The following CRPPA variants were observed in gnomAD, a reference collection of about 807,000 sequenced individuals.
The protein encoded by CRPPA is D-ribitol-5-phosphate cytidylyltransferase.
Under a neutral mutation model 52.0 loss-of-function variants are expected in CRPPA, and 43 were observed. That is an observed-to-expected ratio of 0.83 (90% CI 0.65 to 1.07). CRPPA has a LOEUF of 1.07. Ranked by LOEUF, CRPPA falls within the 50% of genes least tolerant of loss-of-function variation. The probability of loss-of-function intolerance (pLI) is 0.00; values close to 1 mark genes in which losing one functional copy is unlikely to be tolerated. For synonymous variants in CRPPA, 250 were observed against 203.5 expected (o/e 1.23, Z -1.94); for missense variants, 629 against 551.7 (o/e 1.14, Z -1.40).
chr7:16,260,000 T>C (rs1783753018), intron 6 of CRPPA, among the ~76,000 whole-genome samples: 1 of 152,040 alleles, frequency 6.6e-6, no homozygotes, highest in Admixed American at 6.6e-5. Flanking sequence ...AAAATTCATA[T>C]TGAGCATAAA....
At chr7:16,395,319 A>G (rs114287465) in intron 2 of CRPPA, among the ~76,000 whole-genome samples, 2,307 of 152,302 alleles carry the variant, frequency 0.015, 64 homozygotes, top group African/African-American at 0.052. Flanking sequence ...GTATAATACT[A>G]TGATGCATCC....
At chr7:16,379,799 T>C (rs1255958295) in intron 2 of CRPPA, among the ~76,000 whole-genome samples, 1 of 152,228 alleles carries the variant, frequency 6.6e-6, no homozygotes, top group East Asian at 1.9e-4. Context: ...TTGTCTGTTA[T>C]TGATGTATAA....
chr7:16,415,650 C>T (rs1788175503), intron 1 of CRPPA, among the ~76,000 whole-genome samples: 1 of 152,148 alleles, frequency 6.6e-6, no homozygotes. Context: ...TGAAGTTCTA[C>T]CTGAAGGCTT....
chr7:16,363,972 A>G (rs1470084677), intron 3 of CRPPA, among the ~76,000 whole-genome samples: 1 of 152,208 alleles, frequency 6.6e-6, no homozygotes. Flanking sequence ...AACTAATCTA[A>G]GAAATTACTA....
At chr7:16,346,762 A>T (rs1358498533) in intron 3 of CRPPA, among the ~76,000 whole-genome samples, 1 of 152,096 alleles carries the variant, frequency 6.6e-6, no homozygotes, top group Non-Finnish European at 1.5e-5. Context: ...CAGTGTGCAC[A>T]TTCCATGCCT....
intron 8 of CRPPA, among the ~76,000 whole-genome samples, chr7:16,222,387 A>G (rs939385391): frequency 6.6e-6 from 1 of 150,508 alleles, no homozygotes; most frequent in African/African-American, 2.4e-5. Context: ...TGGCACATGT[A>G]TACATATGTA....
At chr7:16,204,779 T>C (rs1583427186) in intron 9 of CRPPA, among the ~76,000 whole-genome samples, 3 of 152,166 alleles carry the variant, frequency 2.0e-5, no homozygotes, top group African/African-American at 7.2e-5. Context: ...TAGAGATAGT[T>C]CCCTGTCTTC....
rs1488292401 is a variant in CRPPA at position 16,132,948 on chromosome 7, G to C, written c.1252-41149C>G. ...GAGGTGGGAGGACTGCCTGAGCTCA[G>C]GAGTTTGAGACTAGTCTGGGAAACA... On this transcript the variant is annotated intron_variant, in intron 9 of 9. Coordinates refer to ENST00000407010, the MANE Select transcript of CRPPA (RefSeq NM_001101426.4). 1.6e-5 allele frequency among the ~76,000 whole-genome samples: 2 copies of C among 123,130 alleles called. 1 individual carries two copies. The highest frequency in any genetic ancestry group is 7.0e-4 in the East Asian group (2 of 2,872). 80.8% of individuals were successfully genotyped at this position (123,130 alleles called of 152,430 possible). A position where few individuals can be genotyped will look rare whatever the true frequency, so the allele number is the denominator to read the frequency against.
At chr7:16,324,340 ACCT>A (rs1785330031) in intron 3 of CRPPA, among the ~76,000 whole-genome samples, 1 of 152,180 alleles carries the variant, frequency 6.6e-6, no homozygotes, top group Admixed American at 6.5e-5. Context: ...TAGAAAACAA[ACCT>A]CCTCAGCATC....
At chr7:16,267,020 C>G (rs1415627505) in intron 6 of CRPPA, among the ~76,000 whole-genome samples, 2 of 152,128 alleles carry the variant, frequency 1.3e-5, no homozygotes, top group Non-Finnish European at 2.9e-5. Flanking sequence ...AATATGATCC[C>G]TTTATATTTA....
intron 2 of CRPPA, among the ~76,000 whole-genome samples, chr7:16,382,326 C>G (rs1386785233): frequency 5.9e-5 from 9 of 152,238 alleles, no homozygotes; most frequent in Admixed American, 6.5e-5. Flanking sequence ...GGCCCCCACT[C>G]TCTTCTGGCT....
intron 9 of CRPPA, among the ~76,000 whole-genome samples, chr7:16,179,120 A>G (rs1289640651): frequency 1.3e-5 from 2 of 152,120 alleles, no homozygotes; most frequent in Non-Finnish European, 2.9e-5. Context: ...ATATTTTTAC[A>G]TAATTCAAAT....
chr7:16,327,192 C>T (rs1036718679), intron 3 of CRPPA, among the ~76,000 whole-genome samples: 2 of 152,160 alleles, frequency 1.3e-5, no homozygotes, highest in Non-Finnish European at 2.9e-5. Context: ...TCAACTCACT[C>T]CAGGTAAAAC....
At chr7:16,352,176 C>T (rs542282540) in intron 3 of CRPPA, among the ~76,000 whole-genome samples, 4 of 152,044 alleles carry the variant, frequency 2.6e-5, no homozygotes, top group African/African-American at 9.6e-5. Flanking sequence ...GAAAACCAAA[C>T]ACCACATGTT....
intron 2 of CRPPA, among the ~76,000 whole-genome samples, chr7:16,388,166 G>C (rs769299360): frequency 2.0e-5 from 3 of 152,062 alleles, no homozygotes; most frequent in Non-Finnish European, 1.5e-5. Flanking sequence ...GATAGAGACA[G>C]GGTTTCACTA....
intron 3 of CRPPA, among the ~76,000 whole-genome samples, chr7:16,322,016 G>A (rs1035834269): frequency 3.3e-5 from 5 of 152,120 alleles, no homozygotes; most frequent in African/African-American, 1.2e-4. Context: ...TCTGGAGCCA[G>A]AAAGATCCTA....
At chr7:16,096,106 C>G (rs141143568) in intron 9 of CRPPA, among the ~76,000 whole-genome samples, 167 of 152,258 alleles carry the variant, frequency 1.1e-3, no homozygotes, top group African/African-American at 3.8e-3. Flanking sequence ...CCTAAGAAAG[C>G]TTCAACAACG....
intron 9 of CRPPA, among the ~76,000 whole-genome samples, chr7:16,168,725 T>C (rs984926999): frequency 6.6e-6 from 1 of 152,164 alleles, no homozygotes; most frequent in Non-Finnish European, 1.5e-5. Flanking sequence ...TCAATGGCTG[T>C]ACAAATAAAT....
Position 16,325,644 on chromosome 7 carries a change from C to A in CRPPA, c.685-17017G>T, listed in dbSNP as rs111240781. 7.2e-5 allele frequency among the ~76,000 whole-genome samples: 11 copies of A among 152,236 alleles called. No individual in the cohort carries two copies. The East Asian group carries it at 1.9e-3, about 27-fold the overall frequency. ...CCAAAAAACCTTTTCCAAGACAAAA[C>A]AAGGAATTATCAGAATGAAAGTTTG... On this transcript the variant is annotated intron_variant, in intron 3 of 9. Transcript: ENST00000407010.
Sources: allele counts gnomAD v4.1 joint callset (sites outside exome capture counted in the v4.1 genomes callset), GRCh38; gene constraint gnomAD v4.1.1; transcripts MANE v1.5; gene names NCBI Gene and HGNC (gene_info 2026-07-23, HGNC 2026-07-21).